DENND2B: variants seen among roughly 807,000 people sequenced by gnomAD.
DENND2B encodes the protein DENN domain-containing protein 2B.
A neutral mutation model predicts 116.0 loss-of-function variants in DENND2B; 32 were observed. That is an observed-to-expected ratio of 0.28 (90% CI 0.21 to 0.37). DENND2B has a LOEUF of 0.37. DENND2B is among the 10% of genes least tolerant of loss of function. DENND2B has a pLI of 1.00. For synonymous variants in DENND2B, 588 were observed against 583.9 expected, an observed-to-expected ratio of 1.01 and a Z score of -0.10; for missense variants, 1,276 against 1,477.7, an observed-to-expected ratio of 0.86 and a Z score of 2.24.
At position 8,851,726 on chromosome 11, in the gene DENND2B, G is replaced by C. The variant is rs188213659; in HGVS notation, c.-156+5617C>G. On this transcript the variant is annotated intron_variant, in intron 3 of 6. Coordinates refer to the DENND2B transcript ENST00000524757. ...TTTCTGTAATAGTTTAAATACATAG[G>C]GGGGGACAAACTAAACAATAACAGG... Among the ~76,000 whole-genome samples the C allele has an allele frequency of 9.5e-4, 145 of 152,086 alleles. 1 individual carries two copies. Among genetic ancestry groups the C allele is most frequent in the South Asian group, 6.7e-3 (32 of 4,808 alleles).
chr11:8,839,571 C>A (rs35909878), intron 3 of DENND2B, among the ~76,000 whole-genome samples: 32,428 of 152,158 alleles, frequency 0.21, 3,985 homozygotes, highest in Middle Eastern at 0.39. Flanking sequence ...GGCTTTCCCT[C>A]ACTTCTGAGG....
At chr11:8,766,943 T>G (rs1242507586) in intron 1 of DENND2B, among the ~76,000 whole-genome samples, 2 of 151,958 alleles carry the variant, frequency 1.3e-5, no homozygotes, top group Non-Finnish European at 2.9e-5. Flanking sequence ...TAGATTCGTC[T>G]ATACCAAGGG....
rs537130333 is a variant in DENND2B, at chr11:8,701,350, GGGGGGGGGGA to G, written c.2720+1212_2720+1221del. 5.0e-4 allele frequency among the ~76,000 whole-genome samples: 30 copies of G among 60,520 alleles called. 2 individuals carry two copies. The highest frequency in any genetic ancestry group is 9.4e-4 in the African/African-American group (13 of 13,868). 39.7% of individuals were successfully genotyped at this position (60,520 alleles called of 152,430 possible). ...GGATGGGAAGGCCAGCTTCCGGGGG[GGGGGGGGGGA>G]GGGGCTACATGAATGACATGCCTGG... On this transcript the variant is annotated intron_variant, in intron 14 of 19. Coordinates refer to ENST00000313726, the MANE Select transcript of DENND2B (RefSeq NM_213618.2).
chr11:8,719,282 CTTA>C (rs967584797), intron 4 of DENND2B: 49 of 965,388 alleles, frequency 5.1e-5, no homozygotes, highest in Non-Finnish European at 6.0e-5. Context: ...GTGGCATCTA[CTTA>C]TGCAGAACCA....
At chr11:8,865,275 T>C (rs1056123002) in intron 2 of DENND2B, among the ~76,000 whole-genome samples, 2 of 152,220 alleles carry the variant, frequency 1.3e-5, no homozygotes, top group African/African-American at 4.8e-5. Flanking sequence ...ATTCTTTTGA[T>C]GGTAATTTTT....
chr11:8,813,564 TATA>T (rs2061467090), upstream of DENND2B, among the ~76,000 whole-genome samples: 1 of 152,204 alleles, frequency 6.6e-6, no homozygotes, highest in Admixed American at 6.5e-5. Flanking sequence ...CACCCCTTTC[TATA>T]ATAAGATAAT....
chr11:8,823,920 T>G (rs2061865579), intron 4 of DENND2B, among the ~76,000 whole-genome samples: 3 of 123,456 alleles, frequency 2.4e-5, no homozygotes, highest in African/African-American at 8.4e-5. Context: ...TTTTTTTTTT[T>G]GAGATGGAGT....
At chr11:8,717,249 A>G (rs892621370) in intron 5 of DENND2B, among the ~76,000 whole-genome samples, 1 of 152,198 alleles carries the variant, frequency 6.6e-6, no homozygotes, top group African/African-American at 2.4e-5. Flanking sequence ...GACTGGCTCC[A>G]GGTGTCACAG....
intron 1 of DENND2B, among the ~76,000 whole-genome samples, chr11:8,755,993 T>C (rs931613257): frequency 1.3e-5 from 2 of 152,240 alleles, no homozygotes; most frequent in Admixed American, 1.3e-4. Flanking sequence ...AGGCAACCTC[T>C]GGACATTTTC....
intron 3 of DENND2B, among the ~76,000 whole-genome samples, chr11:8,843,332 C>T (rs1289531031): frequency 1.3e-5 from 2 of 152,226 alleles, no homozygotes; most frequent in East Asian, 3.9e-4. Flanking sequence ...TAATAACAAG[C>T]TAAAGGCCCT....
intron 2 of DENND2B, among the ~76,000 whole-genome samples, chr11:8,741,683 C>A (rs1219597150): frequency 6.6e-6 from 1 of 152,108 alleles, no homozygotes; most frequent in Non-Finnish European, 1.5e-5. Context: ...TTTTCAGGCC[C>A]AGGCCTAAAA....
chr11:8,696,499 C>G lies in DENND2B; in HGVS notation c.3220G>C (p.Glu1074Gln), dbSNP rs1260239168. 7.4e-6 allele frequency: 12 copies of G among 1,614,188 alleles called. No individual in the cohort carries two copies. The highest frequency in any genetic ancestry group is 1.0e-5 in the Non-Finnish European group (12 of 1,180,036). ...VASKSIRRFL[E>Q]VFMESQMFAG... ...AACATCTGAGACTCCATAAAAACCTCAAGAAAGCGGCGGATGCTTTTGGAG... is the reference window on the plus strand; with the variant it reads ...AACATCTGAGACTCCATAAAAACCTGAAGAAAGCGGCGGATGCTTTTGGAG... The change falls in exon 18 of 20, where the codon GAG becomes CAG. Residue 1074 changes from glutamate to glutamine, a missense_variant. Coordinates refer to ENST00000313726, the MANE Select transcript of DENND2B (RefSeq NM_213618.2).
rs201078906 is a variant in DENND2B, at chr11:8,746,489, TA to T, written c.80+4131del. Among the ~76,000 whole-genome samples, 1,085 of 152,152 alleles carry T rather than the reference TA, an allele frequency of 7.1e-3. 9 individuals are homozygous for T. The highest frequency in any genetic ancestry group is 0.024 in the African/African-American group (1,006 of 41,496). On this transcript the variant is annotated intron_variant, in intron 2 of 19. Coordinates refer to ENST00000313726, the MANE Select transcript of DENND2B (RefSeq NM_213618.2). ...GGGCCTCCAAAGAGTTCCAGCTGAG[TA>T]GGGGAAATAAGACCCACACAAATAT...
intron 1 of DENND2B, among the ~76,000 whole-genome samples, chr11:8,894,588 G>A (rs2134748682): frequency 6.6e-6 from 1 of 152,224 alleles, no homozygotes; most frequent in Non-Finnish European, 1.5e-5. Flanking sequence ...AGTGGGCAAA[G>A]GATATGAACA....
At chr11:8,736,655 G>A (rs527423136) in intron 2 of DENND2B, among the ~76,000 whole-genome samples, 1 of 152,298 alleles carries the variant, frequency 6.6e-6, no homozygotes, top group South Asian at 2.1e-4. Context: ...TCTATCCAGG[G>A]GAGGAATGTT....
At chr11:8,847,963 A>G (rs1022854243) in intron 3 of DENND2B, among the ~76,000 whole-genome samples, 2 of 152,224 alleles carry the variant, frequency 1.3e-5, no homozygotes, top group Non-Finnish European at 2.9e-5. Context: ...AAAAAATGCT[A>G]TCTAAAAACA....
intron 2 of DENND2B, among the ~76,000 whole-genome samples, chr11:8,876,997 G>A (rs143614153): frequency 1.8e-4 from 27 of 151,954 alleles, no homozygotes; most frequent in Admixed American, 3.3e-4. Context: ...GCCTTTAGAC[G>A]GACAGGAGAC....
At chr11:8,768,009 G>C (rs1312285239) in intron 1 of DENND2B, among the ~76,000 whole-genome samples, 1 of 151,960 alleles carries the variant, frequency 6.6e-6, no homozygotes, top group Non-Finnish European at 1.5e-5. Context: ...AGAACAGGGA[G>C]GGACAAAAGA....
At chr11:8,701,731 G>C (rs1391225024) in intron 14 of DENND2B, among the ~76,000 whole-genome samples, 1 of 151,682 alleles carries the variant, frequency 6.6e-6, no homozygotes, top group Non-Finnish European at 1.5e-5. Context: ...TTAAACCTTG[G>C]CTGTCTAGAA....
Sources: gnomAD v4.1 joint callset for allele counts (sites outside exome capture counted in the v4.1 genomes callset) on GRCh38, gnomAD v4.1.1 for gene constraint, MANE v1.5 for transcripts, NCBI Gene and HGNC (gene_info 2026-07-23, HGNC 2026-07-21) for gene names.